Variants in PITRM1 observed in about 807,000 individuals in gnomAD.
PITRM1 encodes pitrilysin metallopeptidase 1.
Under a neutral mutation model 129.9 loss-of-function variants are expected in PITRM1, and 100 were observed. The ratio of observed to expected loss-of-function variants is 0.77; its 90% CI spans 0.65 to 0.91. PITRM1 has a LOEUF of 0.91. Among genes scored for constraint, PITRM1 ranks in the 40% least tolerant of loss-of-function variants. The pLI is 0.00. For missense variants in PITRM1, 1,471 were observed against 1,318.3 expected (o/e 1.12, Z -1.79); for synonymous variants, 591 against 508.8 (o/e 1.16, Z -2.17).
rs758532512 is a variant in PITRM1, at chr10:3,166,256, G to A, written c.391C>T (p.Leu131Phe). ...DPFFKMLNRS[L>F]STFMNAFTAS... ...GTGAAGGCGTTCATGAACGTGGAGA[G>A]GGACCGGTTCAACATTTTGAAGAAA... The change falls in exon 4 of 27, where the codon CTC (leucine) becomes TTC (phenylalanine). Residue 131 changes from leucine to phenylalanine, a missense_variant. Physicochemically the swap from Leu to Phe is conservative, Grantham distance 22 (BLOSUM62 0). Coordinates refer to ENST00000224949, the MANE Select transcript of PITRM1 (RefSeq NM_014889.4). 4.9e-5 allele frequency: 79 copies of A among 1,612,926 alleles called. No homozygotes were observed. In the South Asian group the frequency reaches 8.4e-4, roughly 17 times the overall value.
intron 1 of PITRM1, among the ~76,000 whole-genome samples, chr10:3,171,139 C>T (rs544380410): frequency 2.4e-3 from 137 of 56,210 alleles, no homozygotes; most frequent in African/African-American, 9.8e-3. Context: ...GCGGACTAAT[C>T]GTTCAATTAA....
At chr10:3,155,805 G>A in intron 13 of PITRM1, 76 bp from the exon 14 acceptor site, 1 of 1,531,758 alleles carries the variant, frequency 6.5e-7, no homozygotes, top group Non-Finnish European at 8.9e-7. Context: ...ACAAGCTTCT[G>A]CTGGTGTGTT....
At position 3,141,692 on chromosome 10, in the gene PITRM1, T is replaced by C. The variant is rs111878609; in HGVS notation, c.2646-880A>G. On this transcript the variant is annotated intron_variant, in intron 23 of 26. Coordinates refer to ENST00000224949, the MANE Select transcript of PITRM1 (RefSeq NM_014889.4). ...GACACAGGCTCCTTGAAGACGCCCG[T>C]GGTGAGATCAGCCCCAGGTCGCCGC... is the stretch of plus-strand genomic sequence containing the variant. 1,603 of 470,144 alleles carry C rather than the reference T, an allele frequency of 3.4e-3. 24 individuals carry two copies. The highest frequency in any genetic ancestry group is 0.03 in the African/African-American group (1,495 of 50,104). The allele number at this position is 470,144 out of a possible 1,614,324, so 29.1% of individuals were successfully genotyped here.
At chr10:3,163,556 A>C (rs988639570) in intron 7 of PITRM1, 169 bp downstream of exon 7, 38 of 573,126 alleles carry the variant, frequency 6.6e-5, no homozygotes, top group African/African-American at 6.1e-4. Context: ...GTAAATGTCC[A>C]AAATCAATGT....
At chr10:3,162,380 C>T (rs1001445063) in intron 7 of PITRM1, among the ~76,000 whole-genome samples, 4 of 152,086 alleles carry the variant, frequency 2.6e-5, no homozygotes, top group East Asian at 3.9e-4. Flanking sequence ...TAGAAAACTT[C>T]GCAAACTCTA....
At chr10:3,153,630 C>CA (rs545430512) in intron 14 of PITRM1, among the ~76,000 whole-genome samples, 1 of 151,296 alleles carries the variant, frequency 6.6e-6, no homozygotes, top group Non-Finnish European at 1.5e-5. Flanking sequence ...AAAAAAAAAC[C>CA]AAAAAAACAA....
rs761002076 is a variant in PITRM1 at position 3,158,117 on chromosome 10, G to A, written c.1173C>T (p.Val391=). 69 of 1,608,042 alleles carry A rather than the reference G, an allele frequency of 4.3e-5. No individual in the cohort carries two copies. Among genetic ancestry groups the A allele is most frequent in the Non-Finnish European group, 5.7e-5 (67 of 1,175,714 alleles). The change falls in exon 11 of 27, where the codon GTC becomes GTT. Residue 391 remains valine, a synonymous_variant. Coordinates refer to ENST00000224949, the MANE Select transcript of PITRM1 (RefSeq NM_014889.4). The stretch of plus-strand genomic sequence containing the variant: ...CTTTCTCCGCAATCCCTTGGAGGCC[G>A]ACACTAAAGTAGGCCTCCCTCGTGT... The part of the protein sequence containing the change: ...NGYTREAYFS[V]GLQGIAEKDI...
intron 26 of PITRM1, 55 bp from the exon 27 acceptor site, chr10:3,138,179 AG>A: frequency 6.4e-7 from 1 of 1,571,266 alleles, no homozygotes; most frequent in Non-Finnish European, 8.8e-7. Flanking sequence ...GAGCGCTGTT[AG>A]AGTCAGCACG....
At chr10:3,145,316 A>ATTCCAGCCAAAGTCTGTT in intron 21 of PITRM1, 2 of 395,830 alleles carry the variant, frequency 5.1e-6, no homozygotes, top group Non-Finnish European at 9.1e-6. Flanking sequence ...CTGCCAGCGT[A>ATTCCAGCCAAAGTCTGTT]TTCCAGCCAA....
intron 1 of PITRM1, chr10:3,172,257 C>A (rs1486553055): frequency 1.3e-5 from 6 of 460,754 alleles, no homozygotes; most frequent in Admixed American, 9.4e-5. Context: ...TAAATTGAGT[C>A]ATTAAAAAAA....
chr10:3,155,797 A>T, intron 13 of PITRM1, 68 bp from the exon 14 acceptor site: 1 of 1,555,160 alleles, frequency 6.4e-7, no homozygotes, highest in Non-Finnish European at 8.8e-7. Flanking sequence ...AACACTCAAC[A>T]AGCTTCTGCT....
intron 24 of PITRM1, among the ~76,000 whole-genome samples, chr10:3,139,480 C>G (rs1331691320): frequency 6.6e-6 from 1 of 152,166 alleles, no homozygotes; most frequent in Non-Finnish European, 1.5e-5. Context: ...GGGGGCCAAT[C>G]CAGACTTCCC....
Position 3,166,932 on chromosome 10 carries a change from A to C in PITRM1, c.266+4T>G, listed in dbSNP as rs372930380. On this transcript the variant is annotated splice_donor_region_variant and intron_variant, in intron 3 of 26. Coordinates refer to ENST00000224949, the MANE Select transcript of PITRM1 (RefSeq NM_014889.4). ...AGACCATGTTCTTACAATGCACCAC[A>C]CACCTGAACAGATTATTCGTGTCTT... The C allele has an allele frequency of 6.5e-7, 1 of 1,544,762 alleles. No individual in the cohort carries two copies. Among genetic ancestry groups the C allele is most frequent in the South Asian group, 1.1e-5 (1 of 87,368 alleles).
At chr10:3,169,961 G>T in intron 2 of PITRM1, 143 bp downstream of exon 2, 1 of 575,486 alleles carries the variant, frequency 1.7e-6, no homozygotes, top group Non-Finnish European at 3.2e-6. Context: ...CCGAGTAGCT[G>T]CCACACAGCA....
At chr10:3,166,418 CT>C in intron 3 of PITRM1, 38 bp from the exon 4 acceptor site, 1 of 328,792 alleles carries the variant, frequency 3.0e-6, no homozygotes, top group Non-Finnish European at 4.4e-6. Context: ...AAAGGTTCAG[CT>C]TAGTGCTGCG....
intron 2 of PITRM1, among the ~76,000 whole-genome samples, chr10:3,168,203 C>T (rs998114009): frequency 5.9e-5 from 9 of 152,228 alleles, no homozygotes; most frequent in East Asian, 1.9e-4. Context: ...GAGCCTGCCA[C>T]GCAACAGTCA....
In PITRM1 at chr10:3,172,720, C is replaced by T; in HGVS notation, c.53G>A (p.Gly18Asp). 1 of 1,541,756 alleles carries T rather than the reference C, an allele frequency of 6.5e-7. No individual in the cohort carries two copies. Among genetic ancestry groups the T allele is most frequent in the South Asian group, 1.2e-5 (1 of 83,406 alleles). ...QGLCVLRRLS[G>D]GHAHHRAWRW... ...GCCTCCCGTCGCAGCGTCTCACCCG[C>T]CGCTCAGCCGCCTCAGCACACACAG... The change falls in exon 1 of 27, where the codon GGC becomes GAC. Residue 18 changes from glycine to aspartate, a missense_variant. Transcript: ENST00000224949.
chr10:3,171,255 C>G (rs776926786), intron 1 of PITRM1, among the ~76,000 whole-genome samples: 4 of 124,724 alleles, frequency 3.2e-5, no homozygotes, highest in African/African-American at 1.2e-4. Flanking sequence ...ACAAAAGATA[C>G]ACATGATACA....
chr10:3,148,444 A>T, intron 16 of PITRM1, 153 bp from the exon 17 acceptor site: 3 of 929,960 alleles, frequency 3.2e-6, no homozygotes, highest in Non-Finnish European at 3.1e-6. Flanking sequence ...AAGCAGGTGC[A>T]CTCTGGCCTT....
Sources: allele counts gnomAD v4.1 joint callset (sites outside exome capture counted in the v4.1 genomes callset), GRCh38; gene constraint gnomAD v4.1.1; transcripts MANE v1.5; gene names NCBI Gene and HGNC (gene_info 2026-07-23, HGNC 2026-07-21).